Variants in ANO4 observed in about 807,000 individuals in gnomAD.
The protein encoded by ANO4 is anoctamin-4.
Under a neutral mutation model 141.9 loss-of-function variants are expected in ANO4, and 69 were observed. That is an observed-to-expected ratio of 0.49 (90% CI 0.40 to 0.59). The LOEUF is 0.59. Ranked by LOEUF, ANO4 falls within the 20% of genes least tolerant of loss-of-function variation. The pLI, the probability that ANO4 is intolerant of heterozygous loss-of-function variation, is 0.00. For missense variants in ANO4, 894 were observed against 1,162.2 expected, an observed-to-expected ratio of 0.77 and a Z score of 3.36; for synonymous variants, 350 against 394.3, an observed-to-expected ratio of 0.89 and a Z score of 1.33.
intron 1 of ANO4, among the ~76,000 whole-genome samples, chr12:100,725,680 G>T (rs2031086251): frequency 6.6e-6 from 1 of 152,150 alleles, no homozygotes; most frequent in Non-Finnish European, 1.5e-5. Context: ...CCTGGCCTAT[G>T]CCTAAAATAA....
chr12:100,957,614 CAG>C (rs2043222034), intron 5 of ANO4, among the ~76,000 whole-genome samples: 1 of 152,128 alleles, frequency 6.6e-6, no homozygotes, highest in Non-Finnish European at 1.5e-5. Flanking sequence ...TTTCTTCTGA[CAG>C]AGTCTGCTCT....
intron 26 of ANO4, among the ~76,000 whole-genome samples, chr12:101,123,792 A>ATGTT (rs1473619473): frequency 1.3e-5 from 2 of 152,120 alleles, no homozygotes; most frequent in Non-Finnish European, 2.9e-5. Flanking sequence ...GCATGCATGT[A>ATGTT]TGTTTATAAT....
At chr12:100,942,810 A>G (rs1479411426) in intron 5 of ANO4, among the ~76,000 whole-genome samples, 1 of 152,176 alleles carries the variant, frequency 6.6e-6, no homozygotes, top group African/African-American at 2.4e-5. Flanking sequence ...CTAACTTCCT[A>G]CGTCTGCCAT....
intron 1 of ANO4, among the ~76,000 whole-genome samples, chr12:100,860,474 G>T (rs2038412700): frequency 6.6e-6 from 1 of 152,130 alleles, no homozygotes; most frequent in Non-Finnish European, 1.5e-5. Flanking sequence ...TTTCTTCCCA[G>T]GAAGGATTTC....
intron 5 of ANO4, among the ~76,000 whole-genome samples, chr12:100,969,248 A>T (rs1319062668): frequency 2.0e-5 from 3 of 152,232 alleles, no homozygotes; most frequent in Non-Finnish European, 2.9e-5. Context: ...CAAAAGATCC[A>T]ACTATGAATA....
chr12:100,901,387 C>T (rs2040584904), intron 1 of ANO4, among the ~76,000 whole-genome samples: 1 of 152,156 alleles, frequency 6.6e-6, no homozygotes. Flanking sequence ...ACTGCTTTGG[C>T]AACAGCATGT....
intron 1 of ANO4, chr12:100,852,416 G>C (rs1240803284): frequency 2.0e-5 from 3 of 152,190 alleles, no homozygotes; most frequent in Non-Finnish European, 2.9e-5. Flanking sequence ...CTCAAGGAAG[G>C]CCTCCAGGAT....
chr12:100,885,948 C>T (rs985129803), intron 1 of ANO4, among the ~76,000 whole-genome samples: 1 of 152,184 alleles, frequency 6.6e-6, no homozygotes. Context: ...CTGAACTTAA[C>T]ATCTTGCCTA....
intron 1 of ANO4, among the ~76,000 whole-genome samples, chr12:100,725,923 C>T (rs951370570): frequency 5.9e-5 from 9 of 152,136 alleles, no homozygotes; most frequent in Non-Finnish European, 7.4e-5. Context: ...GGTGCCATTA[C>T]CTCAATAGAA....
intron 1 of ANO4, among the ~76,000 whole-genome samples, chr12:100,893,374 T>C (rs1002641031): frequency 6.6e-6 from 1 of 151,980 alleles, no homozygotes; most frequent in African/African-American, 2.4e-5. Context: ...AACCCAAATC[T>C]CAGTGGTTCA....
chr12:100,767,070 T>C (rs1472235697), intron 3 of ANO4, among the ~76,000 whole-genome samples: 1 of 152,208 alleles, frequency 6.6e-6, no homozygotes, highest in Non-Finnish European at 1.5e-5. Context: ...TTTTTTATAC[T>C]TTCAGCTTAT....
At chr12:100,831,066 T>C (rs1383083591) in intron 1 of ANO4, among the ~76,000 whole-genome samples, 1 of 152,144 alleles carries the variant, frequency 6.6e-6, no homozygotes, top group Admixed American at 6.6e-5. Context: ...TGGCTAAATA[T>C]GCCATTTTGA....
intron 16 of ANO4, among the ~76,000 whole-genome samples, chr12:101,085,675 G>A (rs974894617): frequency 6.6e-6 from 1 of 152,132 alleles, no homozygotes; most frequent in Non-Finnish European, 1.5e-5. Context: ...AAGAAGATAT[G>A]CTGTATTGTT....
chr12:100,901,742 T>G lies in ANO4; in HGVS notation c.-44T>G. Reference sequence around the variant, plus strand: ...CCAGCGTCACGTCGTCGCCTGCCTGTGGTCAGGCATTCCTCACTCCCACCA... The same window carrying G: ...CCAGCGTCACGTCGTCGCCTGCCTGGGGTCAGGCATTCCTCACTCCCACCA... On this transcript the variant is annotated 5_prime_UTR_variant, in exon 2 of 28. Transcript: ENST00000392977. 1.9e-6 allele frequency: 3 copies of G among 1,564,364 alleles called. No individual in the cohort carries two copies. In the East Asian group the frequency reaches 6.7e-5, roughly 35 times the overall value.
chr12:101,094,812 C>T (rs187808295), intron 18 of ANO4, among the ~76,000 whole-genome samples: 2 of 151,148 alleles, frequency 1.3e-5, no homozygotes, highest in Admixed American at 6.6e-5. Context: ...ATAACAAGAC[C>T]CTGTCTCTAC....
intron 7 of ANO4, among the ~76,000 whole-genome samples, chr12:100,975,392 CTTTCTT>C (rs750719085): frequency 7.3e-5 from 11 of 151,142 alleles, no homozygotes; most frequent in Non-Finnish European, 1.0e-4. Flanking sequence ...CTTCCCTTCC[CTTTCTT>C]TTTCTTTTTT....
At chr12:100,966,838 TAC>T (rs142044908) in intron 5 of ANO4, among the ~76,000 whole-genome samples, 63,194 of 150,252 alleles carry the variant, frequency 0.42, 13,614 homozygotes, top group East Asian at 0.52. Context: ...CACATATATA[TAC>T]ACACACACAT....
At chr12:100,744,532 A>C (rs777670735) in intron 3 of ANO4, among the ~76,000 whole-genome samples, 1 of 151,350 alleles carries the variant, frequency 6.6e-6, no homozygotes, top group Non-Finnish European at 1.5e-5. Flanking sequence ...TAACCTAATC[A>C]CCTCCCAAAG....
At chr12:100,805,676 T>A (rs1300292959) in intron 1 of ANO4, among the ~76,000 whole-genome samples, 3 of 152,168 alleles carry the variant, frequency 2.0e-5, no homozygotes, top group African/African-American at 7.2e-5. Flanking sequence ...GTCCTTCACT[T>A]CCCTTGCTAG....
Sources: allele counts gnomAD v4.1 joint callset (sites outside exome capture counted in the v4.1 genomes callset), GRCh38; gene constraint gnomAD v4.1.1; transcripts MANE v1.5; gene names NCBI Gene and HGNC (gene_info 2026-07-23, HGNC 2026-07-21).